The following STK32B variants were observed in gnomAD, a reference collection of about 807,000 sequenced individuals.
The protein encoded by STK32B is serine/threonine kinase 32B.
Under a neutral mutation model 52.6 loss-of-function variants are expected in STK32B, and 43 were observed. The observed-to-expected ratio is 0.82, with a 90% CI of 0.64 to 1.05. STK32B has a LOEUF of 1.05. Among genes scored for constraint, STK32B ranks in the 50% least tolerant of loss-of-function variants. STK32B has a pLI of 0.00. For synonymous variants in STK32B, 238 were observed against 204.3 expected (o/e 1.17, Z -1.41); for missense variants, 621 against 534.6 (o/e 1.16, Z -1.59).
chr4:5,461,289 A>G (rs1021585276), intron 9 of STK32B, among the ~76,000 whole-genome samples: 2 of 152,112 alleles, frequency 1.3e-5, no homozygotes, highest in African/African-American at 4.8e-5. Flanking sequence ...CCAGCCCCGT[A>G]TTATGTGAAT....
In STK32B at chr4:5,396,015, C is replaced by G. The variant is rs1450385073; in HGVS notation, c.435-2192C>G. Among the ~76,000 whole-genome samples, 1 of 152,240 alleles carries G rather than the reference C, an allele frequency of 6.6e-6. No individual in the cohort carries two copies. Among genetic ancestry groups the G allele is most frequent in the East Asian group, 1.9e-4 (1 of 5,190 alleles). On this transcript the variant is annotated intron_variant, in intron 4 of 11. Coordinates refer to ENST00000282908, the MANE Select transcript of STK32B (RefSeq NM_018401.3). This position sits in a 1 kb window ranked among gnomAD's most constrained non-coding sequence, Gnocchi z 4.7. Reference sequence around the variant, plus strand: ...AGGCCATGCTGTCATTAATGGGGCCCTAGCTGCCCTTTGAGGTTTGCCCTC... The same window carrying G: ...AGGCCATGCTGTCATTAATGGGGCCGTAGCTGCCCTTTGAGGTTTGCCCTC...
rs189469297 is a variant in STK32B, at chr4:5,115,647, C to T, written c.53-24258C>T. ...AGTCCCAGTGCAGAGAAGCTCCTGACCCCAGCCCAGGGAGGAGTTTCTCCT... is the reference window on the plus strand; with the variant it reads ...AGTCCCAGTGCAGAGAAGCTCCTGATCCCAGCCCAGGGAGGAGTTTCTCCT... On this transcript the variant is annotated intron_variant, in intron 1 of 11. Coordinates refer to ENST00000282908, the MANE Select transcript of STK32B (RefSeq NM_018401.3). Among the ~76,000 whole-genome samples, 228 of 151,256 alleles carry T rather than the reference C, an allele frequency of 1.5e-3. 1 individual carries two copies. Among genetic ancestry groups the T allele is most frequent in the Middle Eastern group, 0.01 (3 of 292 alleles).
At chr4:5,079,455 T>G (rs1276837943) in intron 1 of STK32B, among the ~76,000 whole-genome samples, 3 of 152,200 alleles carry the variant, frequency 2.0e-5, no homozygotes, top group African/African-American at 7.2e-5. Flanking sequence ...GAGACATATT[T>G]TAAAGTTTTG....
At chr4:5,401,028 C>G (rs1179947424) in intron 5 of STK32B, among the ~76,000 whole-genome samples, 1 of 152,112 alleles carries the variant, frequency 6.6e-6, no homozygotes, top group East Asian at 1.9e-4. Context: ...CAAGGCCAAA[C>G]AGAGGAAGGT....
intron 3 of STK32B, among the ~76,000 whole-genome samples, chr4:5,322,472 C>T (rs187175144): frequency 9.9e-5 from 15 of 152,228 alleles, no homozygotes; most frequent in African/African-American, 3.6e-4. Flanking sequence ...CTGCAGTTGC[C>T]ACACAGTAAA....
chr4:5,080,322 T>C (rs796726531), intron 1 of STK32B, among the ~76,000 whole-genome samples: 39 of 152,316 alleles, frequency 2.6e-4, no homozygotes, highest in African/African-American at 8.7e-4. Context: ...TTGATCTCAT[T>C]GTCTGCTGCT....
At chr4:5,132,164 C>T (rs1715816717) in intron 1 of STK32B, among the ~76,000 whole-genome samples, 2 of 152,148 alleles carry the variant, frequency 1.3e-5, no homozygotes, top group Admixed American at 1.3e-4. Flanking sequence ...TTTCTTTATC[C>T]AGTCTATTGT....
intron 1 of STK32B, among the ~76,000 whole-genome samples, chr4:5,133,744 G>C (rs571168173): frequency 1.3e-5 from 2 of 152,178 alleles, no homozygotes; most frequent in Non-Finnish European, 2.9e-5. Context: ...AAGTGACTAG[G>C]TTGAAGGCCC....
At chr4:5,317,235 ATATATATAT>A (rs1181111781) in intron 3 of STK32B, among the ~76,000 whole-genome samples, 2 of 59,310 alleles carry the variant, frequency 3.4e-5, no homozygotes, top group African/African-American at 1.6e-4. Context: ...TATATATAAC[ATATATATAT>A]TATATATAAC....
chr4:5,103,631 G>T (rs927242331), intron 1 of STK32B, among the ~76,000 whole-genome samples: 1 of 152,074 alleles, frequency 6.6e-6, no homozygotes, highest in Non-Finnish European at 1.5e-5. Context: ...CTAAATACAC[G>T]CTGAGAAACG....
At chr4:5,163,538 CTGTGTGTGTGTGTGTGTGTG>C (rs3077842) in intron 2 of STK32B, among the ~76,000 whole-genome samples, 12 of 139,440 alleles carry the variant, frequency 8.6e-5, no homozygotes, top group Admixed American at 2.9e-4. Flanking sequence ...AGAGTGAAGG[CTGTGTGTGTGTGTGTGTGTG>C]TGTGTGTGTG....
chr4:5,454,879 A>C (rs888103031), intron 7 of STK32B, among the ~76,000 whole-genome samples: 1 of 152,184 alleles, frequency 6.6e-6, no homozygotes, highest in Non-Finnish European at 1.5e-5. Context: ...ATGGGCAGAA[A>C]ATGCTCGTTC....
chr4:5,420,797 G>A (rs756311322), intron 6 of STK32B, among the ~76,000 whole-genome samples: 6 of 152,158 alleles, frequency 3.9e-5, no homozygotes, highest in South Asian at 2.1e-4. Context: ...TATTCCTACC[G>A]ATTCGTTCTG....
At chr4:5,491,543 A>G (rs1397379583) in intron 11 of STK32B, among the ~76,000 whole-genome samples, 1 of 151,810 alleles carries the variant, frequency 6.6e-6, no homozygotes, top group East Asian at 1.9e-4. Flanking sequence ...GTTCACTCTG[A>G]TGGTAGTTTC....
intron 3 of STK32B, among the ~76,000 whole-genome samples, chr4:5,187,821 T>G (rs552583152): frequency 6.6e-6 from 1 of 152,184 alleles, no homozygotes; most frequent in Non-Finnish European, 1.5e-5. Flanking sequence ...CTATGCTCTT[T>G]CTAAAGCCAA....
intron 1 of STK32B, among the ~76,000 whole-genome samples, chr4:5,055,712 C>T (rs1292312917): frequency 6.6e-6 from 1 of 152,176 alleles, no homozygotes; most frequent in Non-Finnish European, 1.5e-5. Flanking sequence ...TGCACCCTCA[C>T]ACCATAGCCC....
chr4:5,335,973 C>T (rs182276896), intron 4 of STK32B, among the ~76,000 whole-genome samples: 103 of 151,512 alleles, frequency 6.8e-4, no homozygotes, highest in African/African-American at 2.4e-3. Flanking sequence ...AGACCTCTTT[C>T]CCAACTCTGC....
intron 6 of STK32B, 131 bp from the exon 7 acceptor site, chr4:5,446,542 G>A (rs1332133091): frequency 3.8e-5 from 28 of 741,074 alleles, no homozygotes; most frequent in Middle Eastern, 2.4e-4. Flanking sequence ...GGGCAGCAGA[G>A]CAAAACTCTA....
chr4:5,198,823 G>A (rs1409265065), intron 3 of STK32B, among the ~76,000 whole-genome samples: 1 of 152,206 alleles, frequency 6.6e-6, no homozygotes, highest in Admixed American at 6.5e-5. Flanking sequence ...CGGTGGCACT[G>A]GTTGTGTGGC....
Sources: gnomAD v4.1 joint callset for allele counts (sites outside exome capture counted in the v4.1 genomes callset) on GRCh38, gnomAD v4.1.1 for gene constraint, Gnocchi (gnomAD v3.1) non-coding constraint, MANE v1.5 for transcripts, NCBI Gene and HGNC (gene_info 2026-07-23, HGNC 2026-07-21) for gene names.